SETD5: variants seen among roughly 807,000 people sequenced by gnomAD.
SETD5 encodes SET domain containing 5, also known as histone-lysine N-methyltransferase SETD5.
SETD5 carries 44 observed loss-of-function variants against 153.3 expected under a neutral mutation model. The observed-to-expected ratio is 0.29, with a 90% CI of 0.23 to 0.37. SETD5 has a LOEUF of 0.37. Ranked by LOEUF, SETD5 falls within the 10% of genes least tolerant of loss-of-function variation. The pLI, the probability that SETD5 is intolerant of heterozygous loss-of-function variation, is 1.00. For missense variants in SETD5, 1,544 were observed against 1,768.0 expected, an observed-to-expected ratio of 0.87 and a Z score of 2.27; for synonymous variants, 716 against 645.2, an observed-to-expected ratio of 1.11 and a Z score of -1.66.
At chr3:9,400,456 CTTA>C (rs1049373045) in intron 1 of SETD5, among the ~76,000 whole-genome samples, 3 of 152,148 alleles carry the variant, frequency 2.0e-5, no homozygotes, top group Non-Finnish European at 2.9e-5. Flanking sequence ...AGAATCAATT[CTTA>C]TTATTTTGTT....
intron 1 of SETD5, among the ~76,000 whole-genome samples, chr3:9,405,040 T>C (rs1233617319): frequency 2.0e-5 from 3 of 152,222 alleles, no homozygotes; most frequent in Admixed American, 2.0e-4. Context: ...TTTATTATGC[T>C]AGGTTGTGGG....
intron 1 of SETD5, among the ~76,000 whole-genome samples, chr3:9,419,941 A>G (rs571537103): frequency 3.3e-5 from 5 of 152,042 alleles, no homozygotes; most frequent in Admixed American, 6.5e-5. Context: ...TTCCTACTCT[A>G]CTTTGGTACA....
rs1483387049 is a variant in SETD5, at chr3:9,470,873, G to A, written c.3139G>A (p.Glu1047Lys). The A allele has an allele frequency of 6.2e-7, 1 of 1,610,300 alleles. No homozygotes were observed. The highest frequency in any genetic ancestry group is 1.7e-5 in the Admixed American group (1 of 59,340). The change falls in exon 19 of 23, where the codon GAA becomes AAA. Residue 1047 changes from glutamate to lysine, a missense_variant. By Grantham distance (56) the Glu-to-Lys change is moderately conservative (BLOSUM62 1). Around this residue, in one of 9 missense-constraint regions of SETD5, gnomAD observed 782 missense variants for 787.2 expected, o/e 0.99. Coordinates refer to ENST00000402198, the MANE Select transcript of SETD5 (RefSeq NM_001080517.3). ...LSRGSLSPGG[E>K]RACEGVPSAP... ...TCGTGGATCCTTGTCACCTGGTGGT[G>A]AAAGGGCCTGTGAAGGAGTCCCATC...
At chr3:9,454,019 C>T in intron 17 of SETD5, 151 bp downstream of exon 17, 1 of 890,400 alleles carries the variant, frequency 1.1e-6, no homozygotes, top group Non-Finnish European at 1.5e-6. Flanking sequence ...AGAGAGAGAT[C>T]TCAAGTCAGG....
intron 17 of SETD5, among the ~76,000 whole-genome samples, chr3:9,463,942 A>G (rs996461222): frequency 7.9e-5 from 12 of 152,360 alleles, no homozygotes; most frequent in African/African-American, 2.9e-4. Flanking sequence ...AGCCTGGCAA[A>G]CGTGGTGAAA....
rs768657763 is a variant in SETD5 at position 9,445,339 on chromosome 3, A to G, written c.1440+39A>G. The G allele has an allele frequency of 2.4e-5, 38 of 1,580,086 alleles. No individual in the cohort carries two copies. The Admixed American group carries it at 3.5e-4, about 14-fold the overall frequency. On this transcript the variant is annotated intron_variant, in intron 12 of 22. Transcript: ENST00000402198. The stretch of plus-strand genomic sequence containing the variant: ...GTCAAATGATGATGCTATGGCATCA[A>G]TCCTCCAAAGGAAGAGGAACCCGGG...
chr3:9,401,590 AG>A (rs2034789053), intron 1 of SETD5, among the ~76,000 whole-genome samples: 1 of 152,202 alleles, frequency 6.6e-6, no homozygotes, highest in African/African-American at 2.4e-5. Flanking sequence ...TAAAGTGCAA[AG>A]TACAGATTTG....
intron 19 of SETD5, 82 bp from the exon 20 acceptor site, chr3:9,473,154 C>A: frequency 1.4e-6 from 2 of 1,469,018 alleles, no homozygotes; most frequent in Non-Finnish European, 1.8e-6. Flanking sequence ...TACCATCTTT[C>A]CTTCTTTCCC....
Position 9,446,233 on chromosome 3 carries a change from G to A in SETD5, c.1524+493G>A, listed in dbSNP as rs2041978910. 2.1e-5 allele frequency among the ~76,000 whole-genome samples: 3 copies of A among 143,576 alleles called. No individual in the cohort carries two copies. The Admixed American group carries it at 2.1e-4, about 10-fold the overall frequency. The allele number at this position is 143,576 out of a possible 152,430, so 94.2% of individuals were successfully genotyped here. A position where few individuals can be genotyped will look rare whatever the true frequency, so the allele number is the denominator to read the frequency against. On this transcript the variant is annotated intron_variant, in intron 13 of 22. Transcript: ENST00000402198. ...ACCTGGGAGGCAGAGCTTGCAGTGA[G>A]TGGAGATAGCGCCACTGCACTCCGG... is the stretch of plus-strand genomic sequence containing the variant.
chr3:9,438,570 G>T (rs949513828), intron 7 of SETD5, among the ~76,000 whole-genome samples: 1 of 152,044 alleles, frequency 6.6e-6, no homozygotes, highest in African/African-American at 2.4e-5. Context: ...ATTCTAAATT[G>T]AGTTATAAAT....
chr3:9,472,095 T>A (rs1468623090), intron 19 of SETD5, among the ~76,000 whole-genome samples: 1 of 152,250 alleles, frequency 6.6e-6, no homozygotes, highest in Non-Finnish European at 1.5e-5. Flanking sequence ...CAGCATTGAC[T>A]ACCAGAAACA....
chr3:9,428,577 C>G (rs1363467290), intron 2 of SETD5, among the ~76,000 whole-genome samples: 1 of 152,152 alleles, frequency 6.6e-6, no homozygotes, highest in South Asian at 2.1e-4. Flanking sequence ...GATAGGCAGA[C>G]TCTTCCTTTC....
chr3:9,464,375 T>C (rs762981403), intron 17 of SETD5, 50 bp from the exon 18 acceptor site: 1 of 1,579,140 alleles, frequency 6.3e-7, no homozygotes, highest in South Asian at 1.2e-5. Context: ...CTGTAGAGCC[T>C]TAAATTAATC....
intron 3 of SETD5, chr3:9,430,363 A>C: frequency 8.2e-6 from 8 of 981,346 alleles, no homozygotes; most frequent in Non-Finnish European, 9.7e-6. Flanking sequence ...ATTCCCATAT[A>C]AAAAGGAGAA....
chr3:9,419,138 T>C (rs953513849), intron 1 of SETD5, among the ~76,000 whole-genome samples: 1 of 152,176 alleles, frequency 6.6e-6, no homozygotes, highest in Admixed American at 6.5e-5. Flanking sequence ...ACTTACAGGA[T>C]TTTTCTCCCC....
At position 9,435,902 on chromosome 3, in the gene SETD5, T is replaced by C. The variant is rs746717574; in HGVS notation, c.563T>C (p.Ile188Thr). ...CGTGCAGCACCAAAGACGAAGAAAA[T>C]CAAGGTATGCAGGGTAAAAATATCT... Reference protein sequence around the residue: ...KGRAAPKTKKIKNSPSEAQNL... With the variant: ...KGRAAPKTKKTKNSPSEAQNL... The change falls in exon 7 of 23, where the codon ATC becomes ACC. Residue 188 changes from isoleucine to threonine, a missense_variant. Physicochemically the swap from Ile to Thr is moderately conservative, Grantham distance 89. Coordinates refer to ENST00000402198, the MANE Select transcript of SETD5 (RefSeq NM_001080517.3). The C allele has an allele frequency of 1.8e-5, 29 of 1,578,574 alleles. No homozygotes were observed. Among genetic ancestry groups the C allele is most frequent in the Non-Finnish European group, 2.2e-5 (26 of 1,163,008 alleles).
At chr3:9,413,568 G>A (rs2036921984) in intron 1 of SETD5, among the ~76,000 whole-genome samples, 1 of 151,676 alleles carries the variant, frequency 6.6e-6, no homozygotes, top group African/African-American at 2.4e-5. Flanking sequence ...ACGGATGAAG[G>A]AAGAGGATGA....
At chr3:9,451,257 C>T (rs993871955) in intron 16 of SETD5, among the ~76,000 whole-genome samples, 2 of 152,084 alleles carry the variant, frequency 1.3e-5, no homozygotes, top group Admixed American at 6.6e-5. Context: ...TTAGTTGAAC[C>T]GGGACTCGGT....
chr3:9,472,274 C>G (rs1289873550), intron 19 of SETD5, among the ~76,000 whole-genome samples: 1 of 152,140 alleles, frequency 6.6e-6, no homozygotes, highest in Non-Finnish European at 1.5e-5. Context: ...GATAAAAAGC[C>G]AGATAAACTT....
Sources: allele counts gnomAD v4.1 joint callset (sites outside exome capture counted in the v4.1 genomes callset), GRCh38; gene constraint gnomAD v4.1.1; regional missense constraint gnomAD v4.1.1; transcripts MANE v1.5; gene names NCBI Gene and HGNC (gene_info 2026-07-23, HGNC 2026-07-21).